ZNF71: variants seen among roughly 807,000 people sequenced by gnomAD.
ZNF71 encodes the protein zinc finger protein 71, also known as endothelial zinc finger protein induced by tumor necrosis factor alpha.
A neutral mutation model predicts 6.7 loss-of-function variants in ZNF71; 3 were observed. The observed-to-expected ratio is 0.45, with a 90% CI of 0.20 to 1.16. The LOEUF (loss-of-function observed/expected upper bound fraction) is 1.16, where lower values mean the gene tolerates loss of function less well. Ranked by LOEUF, ZNF71 falls within the 50% of genes most tolerant of loss-of-function variation. The pLI, the probability that ZNF71 is intolerant of heterozygous loss-of-function variation, is 0.25. For missense variants in ZNF71, 688 were observed against 728.6 expected (o/e 0.94, Z 0.64); for synonymous variants, 343 against 311.1 (o/e 1.10, Z -1.08).
chr19:56,618,456 G>C lies in ZNF71; in HGVS notation c.161-2812G>C, dbSNP rs1438466661. Among the ~76,000 whole-genome samples the C allele has an allele frequency of 3.9e-5, 6 of 152,178 alleles. No homozygotes were observed. The highest frequency in any genetic ancestry group is 1.4e-4 in the African/African-American group (6 of 41,442). On this transcript the variant is annotated intron_variant, in intron 3 of 3. Transcript: ENST00000599599. This position sits in a 1 kb window ranked among gnomAD's most constrained non-coding sequence, Gnocchi z 4.6. ...CTGTGTGCAGGCTGTGTGAGGAGCT[G>C]GGGGGTGAGCAAGGCCCTTGCCTCT...
intron 1 of ZNF71, among the ~76,000 whole-genome samples, chr19:56,599,767 C>G (rs1315438608): frequency 1.3e-5 from 2 of 149,554 alleles, no homozygotes; most frequent in African/African-American, 4.9e-5. Flanking sequence ...CATCTCAGCT[C>G]ACTGCAAGCT....
chr19:56,608,718 A>G (rs1354353841), intron 2 of ZNF71, among the ~76,000 whole-genome samples: 4 of 140,070 alleles, frequency 2.9e-5, no homozygotes, highest in East Asian at 1.9e-4. Flanking sequence ...GAGGCTGCCA[A>G]CACACACACA....
intron 3 of ZNF71, among the ~76,000 whole-genome samples, chr19:56,616,133 G>A (rs1221225005): frequency 6.6e-6 from 1 of 152,082 alleles, no homozygotes; most frequent in Non-Finnish European, 1.5e-5. Flanking sequence ...GGCCTCAGAG[G>A]TTTTCTTCTG....
rs907872906 is a variant in ZNF71, at chr19:56,618,961, G to A, written c.161-2307G>A. On this transcript the variant is annotated intron_variant, in intron 3 of 3. Transcript: ENST00000599599. This position sits in a 1 kb window ranked among gnomAD's most constrained non-coding sequence, Gnocchi z 4.6. ...GGGAGGACAGAGAGGAGCTGCTGTC[G>A]CATTTCAGGCAAGGACCCGTGGTGG... 6.6e-6 allele frequency among the ~76,000 whole-genome samples: 1 copy of A among 152,082 alleles called. No homozygotes were observed. The highest frequency in any genetic ancestry group is 1.9e-4 in the East Asian group (1 of 5,168).
chr19:56,608,660 C>A (rs904953198), intron 2 of ZNF71, among the ~76,000 whole-genome samples: 2 of 152,128 alleles, frequency 1.3e-5, no homozygotes, highest in African/African-American at 4.8e-5. Context: ...GAAGGGGCTA[C>A]ATAAGGCTGT....
rs1228388066 is a variant in ZNF71, at chr19:56,622,795, A to G, written c.*38A>G. Reference sequence around the variant, plus strand: ...AGGGCTCTCACTGGCGGTGCCCAGGACGGACGCCAGATGGCTGCGCGCTTT... The same window carrying G: ...AGGGCTCTCACTGGCGGTGCCCAGGGCGGACGCCAGATGGCTGCGCGCTTT... On this transcript the variant is annotated 3_prime_UTR_variant, in exon 4 of 4. Transcript: ENST00000599599. 3.9e-6 allele frequency: 6 copies of G among 1,554,494 alleles called. No individual in the cohort carries two copies. Among genetic ancestry groups the G allele is most frequent in the African/African-American group, 1.4e-5 (1 of 73,554 alleles).
At chr19:56,614,964 A>G (rs1473206245) in intron 3 of ZNF71, among the ~76,000 whole-genome samples, 2 of 150,838 alleles carry the variant, frequency 1.3e-5, no homozygotes, top group Non-Finnish European at 2.9e-5. Flanking sequence ...CCAGTTTTAT[A>G]TACATGGAAT....
chr19:56,609,299 T>G (rs1043923959), intron 2 of ZNF71, among the ~76,000 whole-genome samples: 4 of 152,190 alleles, frequency 2.6e-5, no homozygotes, highest in Non-Finnish European at 2.9e-5. Context: ...ATAATTCACG[T>G]ATCGTAAAAT....
intron 1 of ZNF71, among the ~76,000 whole-genome samples, chr19:56,595,963 C>A (rs961013616): frequency 3.3e-4 from 48 of 144,994 alleles, no homozygotes; most frequent in African/African-American, 1.1e-3. Flanking sequence ...CCATGTATGT[C>A]CGTGTGGGTC....
At chr19:56,612,191 C>T (rs1466781419) in intron 2 of ZNF71, among the ~76,000 whole-genome samples, 1 of 152,212 alleles carries the variant, frequency 6.6e-6, no homozygotes, top group African/African-American at 2.4e-5. Flanking sequence ...AATCTCACTA[C>T]TTGGTGTCAA....
At chr19:56,605,355 G>A (rs564334062) in intron 2 of ZNF71, among the ~76,000 whole-genome samples, 134 of 152,220 alleles carry the variant, frequency 8.8e-4, no homozygotes, top group Admixed American at 2.4e-3. Context: ...AAGTGATGTG[G>A]AGAAAAAGAG....
chr19:56,608,388 C>T (rs1462484522), intron 2 of ZNF71, among the ~76,000 whole-genome samples: 2 of 152,160 alleles, frequency 1.3e-5, no homozygotes, highest in African/African-American at 4.8e-5. Flanking sequence ...ACTTCTGTGT[C>T]TGGCTTATTT....
rs1417329923 is a variant in ZNF71 at position 56,623,755 on chromosome 19, T to G, written c.*998T>G. ...TCCAAGATCAAGGCTCTGGCAGATT[T>G]GGTGTCTGATGGGGTATGTTCTTCA... On this transcript the variant is annotated 3_prime_UTR_variant, in exon 4 of 4. Transcript: ENST00000599599. 1 of 167,232 alleles carries G rather than the reference T, an allele frequency of 6.0e-6. No homozygotes were observed. Among genetic ancestry groups the G allele is most frequent in the Non-Finnish European group, 1.5e-5 (1 of 68,220 alleles). The allele number at this position is 167,232 out of a possible 1,614,324, so 10.4% of individuals were successfully genotyped here.
At chr19:56,601,775 G>A (rs1222855879) in intron 2 of ZNF71, among the ~76,000 whole-genome samples, 184 bp downstream of exon 2, 3 of 152,112 alleles carry the variant, frequency 2.0e-5, no homozygotes, top group Admixed American at 1.3e-4. Flanking sequence ...GTAGGGGACA[G>A]GGAAGCTTTG....
At chr19:56,608,527 T>C (rs1319875688) in intron 2 of ZNF71, among the ~76,000 whole-genome samples, 2 of 152,176 alleles carry the variant, frequency 1.3e-5, no homozygotes, top group African/African-American at 2.4e-5. Context: ...TTACGTACAC[T>C]TGGGTTGCTT....
Position 56,622,827 on chromosome 19 carries a change from A to C in ZNF71, c.*70A>C, listed in dbSNP as rs2044875523. 2 of 1,529,730 alleles carry C rather than the reference A, an allele frequency of 1.3e-6. No homozygotes were observed. The highest frequency in any genetic ancestry group is 1.8e-6 in the Non-Finnish European group (2 of 1,137,040). 94.8% of individuals were successfully genotyped at this position (1,529,730 alleles called of 1,614,324 possible). ...CCAGATGGCTGCGCGCTTTGTCAGC[A>C]GTGCTGTGAGAAGTTCTCCCCTGGG... On this transcript the variant is annotated 3_prime_UTR_variant, in exon 4 of 4. Transcript: ENST00000599599.
Position 56,622,510 on chromosome 19 carries a change from A to C in ZNF71, c.1403A>C (p.Lys468Thr). ...IVHQIVHTGE[K>T]PYVCGECGKA... ...CACCAGATCGTGCACACCGGGGAGA[A>C]GCCCTACGTGTGCGGCGAGTGCGGC... The change falls in exon 4 of 4, where the codon AAG (lysine) becomes ACG (threonine). Residue 468 changes from lysine to threonine, a missense_variant. Transcript: ENST00000599599. The C allele has an allele frequency of 6.2e-7, 1 of 1,609,830 alleles. No individual in the cohort carries two copies. The highest frequency in any genetic ancestry group is 8.5e-7 in the Non-Finnish European group (1 of 1,177,018).
chr19:56,597,572 G>A (rs937091443), intron 1 of ZNF71, among the ~76,000 whole-genome samples: 4 of 152,160 alleles, frequency 2.6e-5, no homozygotes, highest in Non-Finnish European at 5.9e-5. Flanking sequence ...CATAAAACTG[G>A]GTAACTTGCT....
chr19:56,621,803 C>T lies in ZNF71; in HGVS notation c.696C>T (p.Ser232=), dbSNP rs552420419. 2 of 1,614,014 alleles carry T rather than the reference C, an allele frequency of 1.2e-6. No homozygotes were observed. Among genetic ancestry groups the T allele is most frequent in the African/African-American group, 1.3e-5 (1 of 75,078 alleles). ...GGAAGCACTTCATCGAGCGCTCGTC[C>T]CTCACCATCCACCAGCGGGTGCACA... The part of the protein sequence containing the change: ...TCGKHFIERS[S]LTIHQRVHTG... Residue 232 remains serine, a synonymous_variant, in exon 4 of 4, where the codon TCC becomes TCT. Coordinates refer to ENST00000599599, the MANE Select transcript of ZNF71 (RefSeq NM_001370215.1).
Sources: allele counts gnomAD v4.1 joint callset (sites outside exome capture counted in the v4.1 genomes callset), GRCh38; gene constraint gnomAD v4.1.1; non-coding constraint Gnocchi (gnomAD v3.1); transcripts MANE v1.5; gene names NCBI Gene and HGNC (gene_info 2026-07-23, HGNC 2026-07-21).